The following FREM2 variants were observed in gnomAD, a reference collection of about 807,000 sequenced individuals.
FREM2 encodes FRAS1 related extracellular matrix 2.
A neutral mutation model predicts 219.9 loss-of-function variants in FREM2; 119 were observed. That is an observed-to-expected ratio of 0.54 (90% CI 0.47 to 0.63). FREM2 has a LOEUF of 0.63. FREM2 is among the 30% of genes least tolerant of loss of function. FREM2 has a pLI of 0.00. For synonymous variants in FREM2, 1,562 were observed against 1,522.8 expected (o/e 1.03, Z -0.60); for missense variants, 4,030 against 3,993.6 (o/e 1.01, Z -0.25).
At chr13:38,722,747 T>TA (rs199818378) in intron 2 of FREM2, among the ~76,000 whole-genome samples, 6 of 144,472 alleles carry the variant, frequency 4.2e-5, no homozygotes, top group African/African-American at 1.3e-4. Flanking sequence ...CTGGTAACGT[T>TA]TTTTTTTTTT....
At position 38,689,798 on chromosome 13, in the gene FREM2, T is replaced by C; in HGVS notation, c.2454T>C (p.Phe818=). 1 of 1,613,994 alleles carries C rather than the reference T, an allele frequency of 6.2e-7. No individual in the cohort carries two copies. Among genetic ancestry groups the C allele is most frequent in the Non-Finnish European group, 8.5e-7 (1 of 1,179,962 alleles). ...DRAGNVAPGT[F]TLYLHPVDNQ... ...CTGGGAATGTGGCTCCAGGTACCTT[T>C]ACCCTTTACTTGCATCCCGTGGACA... The change falls in exon 1 of 24, where the codon TTT becomes TTC. Residue 818 remains phenylalanine (F), a synonymous_variant. Coordinates refer to ENST00000280481, the MANE Select transcript of FREM2 (RefSeq NM_207361.6).
intron 5 of FREM2, 26 bp from the exon 6 acceptor site, chr13:38,784,531 A>G (rs1032672863): frequency 1.9e-6 from 3 of 1,613,192 alleles, no homozygotes; most frequent in African/African-American, 2.7e-5. Flanking sequence ...CTACATAAAA[A>G]TCTTTTGAAT....
intron 2 of FREM2, among the ~76,000 whole-genome samples, chr13:38,746,788 G>A (rs542371310): frequency 6.6e-6 from 1 of 152,326 alleles, no homozygotes; most frequent in East Asian, 1.9e-4. Context: ...CATGAAGGGA[G>A]TGAGGGCTTT....
At position 38,687,809 on chromosome 13, in the gene FREM2, G is replaced by A; in HGVS notation, c.465G>A (p.Leu155=). ...CTCGGGACCGCGTCCGGCTGCAGCT[G>A]CGCTATGACGCGCCCGGAGGGGCAG... The part of the protein sequence containing the change: ...SPSRDRVRLQ[L]RYDAPGGAVV... Residue 155 remains leucine, a synonymous_variant, in exon 1 of 24, where the codon CTG becomes CTA. Transcript: ENST00000280481. 6.5e-7 allele frequency: 1 copy of A among 1,542,560 alleles called. No individual in the cohort carries two copies. The highest frequency in any genetic ancestry group is 8.8e-7 in the Non-Finnish European group (1 of 1,139,854).
At chr13:38,818,813 A>G (rs1052981287) in intron 6 of FREM2, among the ~76,000 whole-genome samples, 2 of 151,976 alleles carry the variant, frequency 1.3e-5, no homozygotes, top group African/African-American at 4.8e-5. Flanking sequence ...AAATACAAAA[A>G]TTAGTGGGGC....
At chr13:38,793,973 T>C (rs1036244837) in intron 6 of FREM2, among the ~76,000 whole-genome samples, 2 of 110,664 alleles carry the variant, frequency 1.8e-5, no homozygotes, top group Non-Finnish European at 4.8e-5. Flanking sequence ...ATTTAAGGCA[T>C]GCTAGTACGA....
At chr13:38,757,772 G>A (rs1212507532) in intron 2 of FREM2, among the ~76,000 whole-genome samples, 1 of 151,968 alleles carries the variant, frequency 6.6e-6, no homozygotes, top group Non-Finnish European at 1.5e-5. Flanking sequence ...TGTATTTTTA[G>A]TAGAGACGGG....
chr13:38,813,506 CTCTCTCTCTCTCCTCT>C (rs1875595885), intron 6 of FREM2, among the ~76,000 whole-genome samples: 1 of 10,554 alleles, frequency 9.5e-5, no homozygotes, highest in African/African-American at 2.6e-4. Context: ...CTCTCTCTCT[CTCTCTCTCTCTCCTCT>C]CTCTCTCTCT....
chr13:38,857,973 C>G lies in FREM2; in HGVS notation c.7155C>G (p.Asp2385Glu). 6.2e-7 allele frequency: 1 copy of G among 1,613,944 alleles called. No individual in the cohort carries two copies. The highest frequency in any genetic ancestry group is 8.5e-7 in the Non-Finnish European group (1 of 1,179,822). Residue 2385 changes from aspartate (D) to glutamate (E), a missense_variant, in exon 13 of 24, where the codon GAC becomes GAG. Asp to Glu is a conservative substitution (Grantham distance 45, BLOSUM62 2). This residue lies in a region of FREM2 where 928 missense variants were observed against 1,042.9 expected (regional missense o/e 0.89). Coordinates refer to ENST00000280481, the MANE Select transcript of FREM2 (RefSeq NM_207361.6). Reference sequence around the variant, plus strand: ...TTGTATCCCTGTTGATGTATGACGACACTTCCAAAGCTAAGGAGAGTGCTG... The same window carrying G: ...TTGTATCCCTGTTGATGTATGACGAGACTTCCAAAGCTAAGGAGAGTGCTG... ...PQIVSLLMYD[D>E]TSKAKESAEP...
At chr13:38,852,089 G>A (rs999102370) in intron 11 of FREM2, among the ~76,000 whole-genome samples, 7 of 152,054 alleles carry the variant, frequency 4.6e-5, no homozygotes, top group Non-Finnish European at 7.4e-5. Flanking sequence ...CCAGAATAAT[G>A]TACATTGTAC....
intron 2 of FREM2, among the ~76,000 whole-genome samples, chr13:38,763,051 C>CA (rs1024668312): frequency 3.7e-4 from 57 of 152,114 alleles, no homozygotes; most frequent in African/African-American, 1.3e-3. Flanking sequence ...TCTCTTAAAG[C>CA]AAAAATCCCA....
rs754355439 is a variant in FREM2, at chr13:38,876,368, A to G, written c.8530A>G (p.Ile2844Val). Residue 2844 changes from isoleucine (I) to valine (V), a missense_variant, in exon 20 of 24, where the codon ATC becomes GTC. By Grantham distance (29) the Ile-to-Val change is conservative. Transcript: ENST00000280481. Reference protein sequence around the residue: ...PREPVTFDLDIRFQQVSDPVA... With the variant: ...PREPVTFDLDVRFQQVSDPVA... ...AGAACCTGTCACCTTTGACCTTGACATCCGATTCCAACAGGTGTGGCTTAT... is the reference window on the plus strand; with the variant it reads ...AGAACCTGTCACCTTTGACCTTGACGTCCGATTCCAACAGGTGTGGCTTAT... 1.9e-6 allele frequency: 3 copies of G among 1,613,770 alleles called. No individual in the cohort carries two copies. The highest frequency in any genetic ancestry group is 2.5e-6 in the Non-Finnish European group (3 of 1,179,860).
intron 7 of FREM2, among the ~76,000 whole-genome samples, chr13:38,847,098 A>G (rs1029297487): frequency 2.0e-5 from 3 of 152,158 alleles, no homozygotes; most frequent in African/African-American, 4.8e-5. Flanking sequence ...ACATTTAGGT[A>G]TTATGCAGGC....
intron 6 of FREM2, among the ~76,000 whole-genome samples, chr13:38,789,303 A>AT (rs1056926552): frequency 6.6e-6 from 1 of 151,908 alleles, no homozygotes; most frequent in African/African-American, 2.4e-5. Flanking sequence ...TTATTAATGT[A>AT]TTTTTTCCTA....
intron 2 of FREM2, among the ~76,000 whole-genome samples, chr13:38,698,175 G>A (rs565334917): frequency 3.9e-5 from 6 of 152,248 alleles, no homozygotes; most frequent in African/African-American, 1.4e-4. Context: ...CTGCCCAAAG[G>A]AGCTGCTTTT....
intron 2 of FREM2, among the ~76,000 whole-genome samples, chr13:38,729,577 C>T (rs1194258042): frequency 6.6e-6 from 1 of 151,114 alleles, no homozygotes; most frequent in Non-Finnish European, 1.5e-5. Flanking sequence ...GAATTTAACT[C>T]TCATTCAACT....
At chr13:38,877,990 TG>T in intron 21 of FREM2, 143 bp from the exon 22 acceptor site, 1 of 730,084 alleles carries the variant, frequency 1.4e-6, no homozygotes, top group Non-Finnish European at 2.4e-6. Context: ...TTGAAGCTCA[TG>T]CAAACAGGCC....
chr13:38,723,494 G>GA (rs1350680096), intron 2 of FREM2, among the ~76,000 whole-genome samples: 6 of 152,218 alleles, frequency 3.9e-5, no homozygotes, highest in Admixed American at 1.3e-4. Context: ...GGCTGGATGG[G>GA]AAAAAAGACC....
At chr13:38,694,080 T>A (rs1307058905) in intron 1 of FREM2, among the ~76,000 whole-genome samples, 1 of 152,192 alleles carries the variant, frequency 6.6e-6, no homozygotes, top group African/African-American at 2.4e-5. Flanking sequence ...AAAGGACTAT[T>A]TTGATGAAGA....
Sources: gnomAD v4.1 joint callset for allele counts (sites outside exome capture counted in the v4.1 genomes callset) on GRCh38, gnomAD v4.1.1 for gene constraint, gnomAD v4.1.1 regional missense constraint, MANE v1.5 for transcripts, NCBI Gene and HGNC (gene_info 2026-07-23, HGNC 2026-07-21) for gene names.